Variants in GOSR1 observed in about 807,000 individuals in gnomAD.
GOSR1 encodes golgi SNAP receptor complex member 1.
In GOSR1, 21 loss-of-function variants were observed where a neutral mutation model predicts 35.5. The ratio of observed to expected loss-of-function variants is 0.59; its 90% confidence interval spans 0.42 to 0.85. GOSR1 has a LOEUF of 0.85. GOSR1 is among the 40% of genes least tolerant of loss of function. GOSR1 has a pLI of 0.00. For missense variants in GOSR1, 285 were observed against 309.6 expected, an observed-to-expected ratio of 0.92 and a Z score of 0.60; for synonymous variants, 94 against 106.6, an observed-to-expected ratio of 0.88 and a Z score of 0.73.
intron 8 of GOSR1, among the ~76,000 whole-genome samples, chr17:30,521,926 C>G (rs1163970912): frequency 1.3e-5 from 2 of 152,140 alleles, no homozygotes; most frequent in Non-Finnish European, 2.9e-5. Context: ...TTCCTGGCCA[C>G]GCTGGCTCCC....
At chr17:30,484,908 G>C in intron 4 of GOSR1, 138 bp downstream of exon 4, 1 of 685,802 alleles carries the variant, frequency 1.5e-6, no homozygotes, top group East Asian at 2.7e-5. Context: ...CATGCTAAAG[G>C]GACTTGTTTT....
intron 6 of GOSR1, among the ~76,000 whole-genome samples, chr17:30,494,154 AAG>A (rs1966904045): frequency 6.6e-6 from 1 of 151,524 alleles, no homozygotes; most frequent in East Asian, 1.9e-4. Context: ...TGCCTGGAAA[AAG>A]AGTAAATCAG....
rs1460953429 is a variant in GOSR1 at position 30,525,558 on chromosome 17, T to C, written c.*3180T>C. On this transcript the variant is annotated 3_prime_UTR_variant, in exon 9 of 9. Transcript: ENST00000451249. ...ATTGGTGGTTGTGTCTCGGTTAAAATTTATGGGACTTTGCTATGTAGTTGG... is the reference window on the plus strand; with the variant it reads ...ATTGGTGGTTGTGTCTCGGTTAAAACTTATGGGACTTTGCTATGTAGTTGG... The C allele has an allele frequency of 6.6e-6, 1 of 152,156 alleles. No homozygotes were observed. The highest frequency in any genetic ancestry group is 2.4e-5 in the African/African-American group (1 of 41,400). The allele number at this position is 152,156 out of a possible 1,614,324, so 9.4% of individuals were successfully genotyped here.
At chr17:30,512,772 C>CT (rs1240358832) in intron 7 of GOSR1, among the ~76,000 whole-genome samples, 4 of 152,082 alleles carry the variant, frequency 2.6e-5, no homozygotes, top group African/African-American at 7.2e-5. Context: ...CATCCTTTTT[C>CT]TTTTTTCCTT....
intron 7 of GOSR1, among the ~76,000 whole-genome samples, chr17:30,515,414 G>T (rs541182592): frequency 2.1e-4 from 32 of 151,892 alleles, no homozygotes; most frequent in Non-Finnish European, 4.4e-4. Flanking sequence ...TGAGTGTTAG[G>T]CCTCACCATG....
At chr17:30,484,174 A>G in intron 2 of GOSR1, 40 bp from the exon 3 acceptor site, 1 of 999,368 alleles carries the variant, frequency 1.0e-6, no homozygotes, top group Non-Finnish European at 1.6e-6. Flanking sequence ...TAAAGGACTG[A>G]TTTGAGTAAT....
chr17:30,498,449 T>C (rs1476090198), intron 6 of GOSR1, among the ~76,000 whole-genome samples: 1 of 152,208 alleles, frequency 6.6e-6, no homozygotes, highest in Non-Finnish European at 1.5e-5. Flanking sequence ...TATTATGATA[T>C]GCAAAGGTTT....
intron 6 of GOSR1, among the ~76,000 whole-genome samples, chr17:30,508,926 G>A (rs574129363): frequency 3.9e-5 from 6 of 151,912 alleles, no homozygotes; most frequent in South Asian, 2.1e-4. Flanking sequence ...TTTCACTACC[G>A]TCTTTGTAAT....
At chr17:30,483,829 C>T (rs191604469) in intron 2 of GOSR1, among the ~76,000 whole-genome samples, 41 of 152,158 alleles carry the variant, frequency 2.7e-4, no homozygotes, top group Non-Finnish European at 2.5e-4. Flanking sequence ...CAATTTAACA[C>T]AATTCTACAA....
At chr17:30,499,147 T>C (rs574810311) in intron 6 of GOSR1, among the ~76,000 whole-genome samples, 66 of 152,220 alleles carry the variant, frequency 4.3e-4, no homozygotes, top group Non-Finnish European at 8.1e-4. Flanking sequence ...TTCTAAGACT[T>C]ATTCTTTTTC....
intron 6 of GOSR1, among the ~76,000 whole-genome samples, chr17:30,501,238 T>G (rs1345420882): frequency 6.6e-6 from 1 of 152,184 alleles, no homozygotes; most frequent in Non-Finnish European, 1.5e-5. Flanking sequence ...AACAGCCATC[T>G]TAACCAAGGA....
In GOSR1 at chr17:30,523,752, A is replaced by G. The variant is rs531681096; in HGVS notation, c.*1374A>G. The G allele has an allele frequency of 3.2e-4, 64 of 203,028 alleles. 2 individuals carry two copies. Among genetic ancestry groups the G allele is most frequent in the African/African-American group, 1.4e-3 (57 of 41,836 alleles). The allele number at this position is 203,028 out of a possible 1,614,324, so 12.6% of individuals were successfully genotyped here. On this transcript the variant is annotated 3_prime_UTR_variant, in exon 9 of 9. Transcript: ENST00000451249. Reference sequence around the variant, plus strand: ...TCATTGAGAACGGGCCATGATGACAATGGCGGTTTTGTGGAATAGAAAAGG... The same window carrying G: ...TCATTGAGAACGGGCCATGATGACAGTGGCGGTTTTGTGGAATAGAAAAGG...
rs1968155361 is a variant in GOSR1, at chr17:30,524,698, C to G, written c.*2320C>G. ...CTGGTAGCTGAGGAAGGGGACTGCT[C>G]AATTTCTAATGTGATCTATTCAAGA... On this transcript the variant is annotated 3_prime_UTR_variant, in exon 9 of 9. Transcript: ENST00000451249. 6.6e-6 allele frequency: 1 copy of G among 152,162 alleles called. No individual in the cohort carries two copies. Among genetic ancestry groups the G allele is most frequent in the Admixed American group, 6.5e-5 (1 of 15,276 alleles). The allele number at this position is 152,162 out of a possible 1,614,324, so 9.4% of individuals were successfully genotyped here.
intron 6 of GOSR1, among the ~76,000 whole-genome samples, chr17:30,497,525 A>G (rs1967044715): frequency 6.6e-6 from 1 of 152,222 alleles, no homozygotes; most frequent in Admixed American, 6.5e-5. Flanking sequence ...GGAATGTTGC[A>G]AAGATGAGAG....
chr17:30,525,908 C>G lies in GOSR1; in HGVS notation c.*3530C>G, dbSNP rs565753491. ...CTGACTAACCTCTCCGTGCTGCAGC[C>G]TATACTAAGGTGACCCAGGGCCACA... On this transcript the variant is annotated 3_prime_UTR_variant, in exon 9 of 9. Transcript: ENST00000451249. 19 of 152,310 alleles carry G rather than the reference C, an allele frequency of 1.2e-4. No homozygotes were observed. The highest frequency in any genetic ancestry group is 4.3e-4 in the African/African-American group (18 of 41,548). The allele number at this position is 152,310 out of a possible 1,614,324, so 9.4% of individuals were successfully genotyped here. A position where few individuals can be genotyped will look rare whatever the true frequency, so the allele number is the denominator to read the frequency against.
intron 7 of GOSR1, among the ~76,000 whole-genome samples, chr17:30,519,134 C>T (rs1193730010): frequency 2.0e-5 from 3 of 152,102 alleles, no homozygotes; most frequent in African/African-American, 4.8e-5. Context: ...CATCACAGCT[C>T]GCTGTAGCCC....
chr17:30,518,105 A>G (rs1597799663), intron 7 of GOSR1, among the ~76,000 whole-genome samples: 1 of 152,112 alleles, frequency 6.6e-6, no homozygotes, highest in African/African-American at 2.4e-5. Context: ...CCTGGGAGCA[A>G]TTTCACTGCA....
intron 7 of GOSR1, among the ~76,000 whole-genome samples, chr17:30,516,762 G>A (rs1967833225): frequency 6.6e-6 from 1 of 151,966 alleles, no homozygotes; most frequent in Non-Finnish European, 1.5e-5. Flanking sequence ...CACCCAAGCT[G>A]GAGTGCAGTG....
intron 4 of GOSR1, chr17:30,485,281 T>C (rs1466112086): frequency 1.1e-5 from 2 of 188,352 alleles, no homozygotes; most frequent in Non-Finnish European, 2.2e-5. Context: ...TTTTTTTTTT[T>C]TTTTTGAGAT....
Sources: gnomAD v4.1 joint callset for allele counts (sites outside exome capture counted in the v4.1 genomes callset) on GRCh38, gnomAD v4.1.1 for gene constraint, MANE v1.5 for transcripts, NCBI Gene and HGNC (gene_info 2026-07-23, HGNC 2026-07-21) for gene names.